SH3TC2: variants seen among roughly 807,000 people sequenced by gnomAD.
The protein encoded by SH3TC2 is SH3 domain and tetratricopeptide repeat-containing protein 2.
In SH3TC2, 87 loss-of-function variants were observed where a neutral mutation model predicts 124.5. The observed-to-expected ratio is 0.70, with a 90% confidence interval of 0.59 to 0.84. The LOEUF (loss-of-function observed/expected upper bound fraction) is 0.84. Ranked by LOEUF, SH3TC2 falls within the 40% of genes least tolerant of loss-of-function variation. SH3TC2 has a pLI of 0.00. For synonymous variants in SH3TC2, 634 were observed against 628.5 expected (o/e 1.01, Z -0.13); for missense variants, 1,536 against 1,566.4 (o/e 0.98, Z 0.33).
rs551803988 is a variant in SH3TC2 at position 149,031,583 on chromosome 5, C to A, written c.1106G>T (p.Arg369Leu). The change falls in exon 9 of 17, where the codon CGC (arginine) becomes CTC (leucine). Residue 369 changes from arginine to leucine, a missense_variant. Around this residue, in one of 3 missense-constraint regions of SH3TC2, gnomAD observed 1,102 missense variants for 1,098.6 expected, o/e 1.00. Coordinates refer to ENST00000515425, the MANE Select transcript of SH3TC2 (RefSeq NM_024577.4). Reference protein sequence around the residue: ...ECSSFLHTLARTDITSVYRLS... With the variant: ...ECSSFLHTLALTDITSVYRLS... ...CCGGTAGACAGATGTGATGTCAGTGCGAGCAAGAGTGTGGAGGAAGCTGGA... is the reference window on the plus strand; with the variant it reads ...CCGGTAGACAGATGTGATGTCAGTGAGAGCAAGAGTGTGGAGGAAGCTGGA... 5.6e-6 allele frequency: 9 copies of A among 1,614,104 alleles called. No individual in the cohort carries two copies. Among genetic ancestry groups the A allele is most frequent in the South Asian group, 4.4e-5 (4 of 91,078 alleles).
chr5:149,005,970 A>T (rs566608844), intron 16 of SH3TC2, among the ~76,000 whole-genome samples: 45 of 152,288 alleles, frequency 3.0e-4, no homozygotes, highest in African/African-American at 1.0e-3. Context: ...CAAAATAATA[A>T]GAAGTTCTGG....
intron 1 of SH3TC2, 52 bp downstream of exon 1, chr5:149,062,919 G>A (rs1754778832): frequency 2.0e-6 from 3 of 1,529,872 alleles, no homozygotes; most frequent in Non-Finnish European, 2.7e-6. Flanking sequence ...AGCCTCTACT[G>A]GACCATCCAC....
At chr5:149,058,670 G>A (rs1350078360) in intron 1 of SH3TC2, among the ~76,000 whole-genome samples, 2 of 152,012 alleles carry the variant, frequency 1.3e-5, no homozygotes, top group African/African-American at 4.8e-5. Context: ...GCAGGATGGG[G>A]TGGGAATGAG....
At chr5:149,046,587 T>C (rs1370232902) in intron 3 of SH3TC2, 1 of 152,188 alleles carries the variant, frequency 6.6e-6, no homozygotes, top group Non-Finnish European at 1.5e-5. Flanking sequence ...ACAGAGAGGT[T>C]AAGTAAATTG....
In SH3TC2 at chr5:148,994,738, GAATA is replaced by G. The variant is rs113518050; in HGVS notation, c.*9969_*9972del. Among the ~76,000 whole-genome samples the G allele has an allele frequency of 4.8e-4, 46 of 95,232 alleles. No individual in the cohort carries two copies. Among genetic ancestry groups the G allele is most frequent in the African/African-American group, 8.2e-4 (19 of 23,242 alleles). The allele number at this position is 95,232 out of a possible 152,430, so 62.5% of individuals were successfully genotyped here. On this transcript the variant is annotated 3_prime_UTR_variant, in exon 17 of 17. Transcript: ENST00000515425. The stretch of plus-strand genomic sequence containing the variant: ...TGGATGGATGGATGGATGGATGGAT[GAATA>G]GATGGATGAATAGATGGATGAATAG...
chr5:149,044,938 G>T (rs959351575), intron 3 of SH3TC2: 6 of 254,482 alleles, frequency 2.4e-5, no homozygotes, highest in South Asian at 1.8e-4. Flanking sequence ...AAGAAGCCAG[G>T]GAATAGAACT....
Position 148,995,579 on chromosome 5 carries a change from C to T in SH3TC2, c.*9132G>A, listed in dbSNP as rs1753496392. 6.6e-6 allele frequency among the ~76,000 whole-genome samples: 1 copy of T among 152,172 alleles called. No individual in the cohort carries two copies. Among genetic ancestry groups the T allele is most frequent in the Non-Finnish European group, 1.5e-5 (1 of 68,036 alleles). On this transcript the variant is annotated 3_prime_UTR_variant, in exon 17 of 17. Transcript: ENST00000515425. ...GCTATATATGTGAGCAGCCCTATCA[C>T]CTGATTTCTCAATCACTCATGAGCA...
At chr5:149,028,932 G>A (rs1457593426) in intron 9 of SH3TC2, among the ~76,000 whole-genome samples, 4 of 151,196 alleles carry the variant, frequency 2.6e-5, no homozygotes, top group Non-Finnish European at 5.9e-5. Context: ...CTTTACAGTT[G>A]GGAACCAAGG....
At position 148,988,655 on chromosome 5, in the gene SH3TC2, G is replaced by C. The variant is rs147906062; in HGVS notation, c.*16056C>G. 6.6e-6 allele frequency among the ~76,000 whole-genome samples: 1 copy of C among 152,158 alleles called. No homozygotes were observed. Among genetic ancestry groups the C allele is most frequent in the Non-Finnish European group, 1.5e-5 (1 of 68,032 alleles). ...TTAGCCCCGTGAGGAAGCCATCTTC[G>C]ATGCCCAGCCCAGAGGAGCCTTTGA... On this transcript the variant is annotated 3_prime_UTR_variant, in exon 17 of 17. Transcript: ENST00000515425.
At chr5:149,045,251 T>C (rs994267295) in intron 3 of SH3TC2, 2 of 152,358 alleles carry the variant, frequency 1.3e-5, no homozygotes, top group African/African-American at 4.8e-5. Flanking sequence ...ATAAATTATT[T>C]TGCAATCTTC....
intron 1 of SH3TC2, among the ~76,000 whole-genome samples, chr5:149,055,708 C>G (rs778113357): frequency 6.6e-6 from 1 of 152,044 alleles, no homozygotes; most frequent in African/African-American, 2.4e-5. Flanking sequence ...TTTATAAGAA[C>G]CCAAACTTGG....
At position 148,983,543 on chromosome 5, in the gene SH3TC2, A is replaced by G. The variant is rs898206210; in HGVS notation, c.*21168T>C. On this transcript the variant is annotated 3_prime_UTR_variant, in exon 17 of 17. Transcript: ENST00000515425. ...AGCTCCCTTTTTTACAGTTCTGCAT[A>G]TGTGGGAGCTGAATTGCATACTGAT... 6.6e-6 allele frequency among the ~76,000 whole-genome samples: 1 copy of G among 152,184 alleles called. No individual in the cohort carries two copies. Among genetic ancestry groups the G allele is most frequent in the Non-Finnish European group, 1.5e-5 (1 of 68,036 alleles).
chr5:149,033,825 T>C (rs991549983), intron 8 of SH3TC2, among the ~76,000 whole-genome samples: 4 of 152,146 alleles, frequency 2.6e-5, no homozygotes, highest in Non-Finnish European at 5.9e-5. Context: ...GAATTAATAG[T>C]AAAAAATCAG....
Position 148,991,976 on chromosome 5 carries a change from G to A in SH3TC2, c.*12735C>T, listed in dbSNP as rs1017502274. On this transcript the variant is annotated 3_prime_UTR_variant, in exon 17 of 17. Coordinates refer to ENST00000515425, the MANE Select transcript of SH3TC2 (RefSeq NM_024577.4). Reference sequence around the variant, plus strand: ...ACCCTAACATGTGTTGGGTGACCATGGGTAAGGCTTTCCCTTTTCTGGTTC... The same window carrying A: ...ACCCTAACATGTGTTGGGTGACCATAGGTAAGGCTTTCCCTTTTCTGGTTC... 1.3e-5 allele frequency among the ~76,000 whole-genome samples: 2 copies of A among 152,200 alleles called. No homozygotes were observed. The highest frequency in any genetic ancestry group is 4.1e-4 in the South Asian group (2 of 4,828).
At chr5:149,051,258 C>T (rs1036504668) in intron 2 of SH3TC2, among the ~76,000 whole-genome samples, 3 of 152,178 alleles carry the variant, frequency 2.0e-5, no homozygotes, top group Non-Finnish European at 4.4e-5. Context: ...ACATTAATTT[C>T]AAAACTTTTT....
chr5:149,035,117 T>C (rs1229728346), intron 8 of SH3TC2, among the ~76,000 whole-genome samples: 2 of 152,146 alleles, frequency 1.3e-5, no homozygotes, highest in East Asian at 3.8e-4. Flanking sequence ...TGCAAATAAA[T>C]GGCTATGAGA....
Position 148,988,797 on chromosome 5 carries a change from T to C in SH3TC2, c.*15914A>G, listed in dbSNP as rs1486901781. On this transcript the variant is annotated 3_prime_UTR_variant, in exon 17 of 17. Transcript: ENST00000515425. ...ACAGATGATGATAAGCTGTTTTAAATCAGAAACTTTTGGGGTGGTTTGTTA... is the reference window on the plus strand; with the variant it reads ...ACAGATGATGATAAGCTGTTTTAAACCAGAAACTTTTGGGGTGGTTTGTTA... 6.6e-6 allele frequency among the ~76,000 whole-genome samples: 1 copy of C among 152,206 alleles called. No homozygotes were observed. Among genetic ancestry groups the C allele is most frequent in the African/African-American group, 2.4e-5 (1 of 41,452 alleles).
At chr5:149,040,431 A>C (rs1315173859) in intron 7 of SH3TC2, among the ~76,000 whole-genome samples, 173 bp downstream of exon 7, 2 of 152,158 alleles carry the variant, frequency 1.3e-5, no homozygotes, top group East Asian at 3.9e-4. Flanking sequence ...GAGACCTCTC[A>C]TTTCACAGGC....
Position 149,027,173 on chromosome 5 carries a change from G to C in SH3TC2, c.2559C>G (p.Asn853Lys). The change falls in exon 11 of 17, where the codon AAC (asparagine) becomes AAG (lysine). Residue 853 changes from asparagine (N) to lysine (K), a missense_variant. Coordinates refer to ENST00000515425, the MANE Select transcript of SH3TC2 (RefSeq NM_024577.4). Reference sequence around the variant, plus strand: ...CCCGAAGATAGCTCTTGGCTGCCCTGTTCACCCGGCCTTCACCTTGGAGTG... The same window carrying C: ...CCCGAAGATAGCTCTTGGCTGCCCTCTTCACCCGGCCTTCACCTTGGAGTG... ...GLALQGEGRV[N>K]RAAKSYLRAL... 1.2e-6 allele frequency: 2 copies of C among 1,614,210 alleles called. No homozygotes were observed. Among genetic ancestry groups the C allele is most frequent in the Non-Finnish European group, 1.7e-6 (2 of 1,180,038 alleles).
Sources: gnomAD v4.1 joint callset for allele counts (sites outside exome capture counted in the v4.1 genomes callset) on GRCh38, gnomAD v4.1.1 for gene constraint, gnomAD v4.1.1 regional missense constraint, MANE v1.5 for transcripts, NCBI Gene and HGNC (gene_info 2026-07-23, HGNC 2026-07-21) for gene names.